ACOX2: variants seen among roughly 807,000 people sequenced by gnomAD.
ACOX2 encodes peroxisomal acyl-coenzyme A oxidase 2.
A neutral mutation model predicts 77.5 loss-of-function variants in ACOX2; 59 were observed. The ratio of observed to expected loss-of-function variants is 0.76; its 90% confidence interval spans 0.62 to 0.95. The LOEUF (loss-of-function observed/expected upper bound fraction) is 0.95, where lower values mean the gene tolerates loss of function less well. Ranked by LOEUF, ACOX2 falls within the 40% of genes least tolerant of loss-of-function variation. The pLI, the probability that ACOX2 is intolerant of heterozygous loss-of-function variation, is 0.00. For missense variants in ACOX2, 837 were observed against 880.4 expected, an observed-to-expected ratio of 0.95 and a Z score of 0.62; for synonymous variants, 317 against 340.1, an observed-to-expected ratio of 0.93 and a Z score of 0.75.
At position 58,522,612 on chromosome 3, in the gene ACOX2, A is replaced by G; in HGVS notation, c.1527-11T>C. The G allele has an allele frequency of 1.2e-6, 2 of 1,613,678 alleles. No homozygotes were observed. Among genetic ancestry groups the G allele is most frequent in the Non-Finnish European group, 8.5e-7 (1 of 1,179,580 alleles). On this transcript the variant is annotated splice_polypyrimidine_tract_variant and intron_variant, in intron 11 of 14. Coordinates refer to ENST00000302819, the MANE Select transcript of ACOX2 (RefSeq NM_003500.4). This position sits in a 1 kb window ranked among gnomAD's most constrained non-coding sequence, Gnocchi z 4.3. ...GAGTCCTTTATGAGCCTGAAAGCCA[A>G]AGCAAAAAAGGTTCAGCTTCCTGAC...
rs770975088 is a variant in ACOX2, at chr3:58,531,369, T to G, written c.704-3A>C. On this transcript the variant is annotated splice_region_variant and splice_polypyrimidine_tract_variant and intron_variant, in intron 6 of 14. Transcript: ENST00000302819. The surrounding 1 kb of genome is among the most constrained non-coding windows in gnomAD (Gnocchi z 5.8). ...TCCGATGTCCCCAATGATGATTCCT[T>G]GAAGGAGATGGAGATGAGGACACCT... 10 of 1,612,086 alleles carry G rather than the reference T, an allele frequency of 6.2e-6. No individual in the cohort carries two copies. The African/African-American group carries it at 1.2e-4, about 19-fold the overall frequency.
rs906387306 is a variant in ACOX2 at position 58,526,207 on chromosome 3, G to C, written c.1346+259C>G. ...TGTGATCCTCCCTAGGCTCTGAACAGATCCCTCCGGCTGCCTGTGGAGAAG... is the reference window on the plus strand; with the variant it reads ...TGTGATCCTCCCTAGGCTCTGAACACATCCCTCCGGCTGCCTGTGGAGAAG... On this transcript the variant is annotated intron_variant, in intron 10 of 14. Coordinates refer to ENST00000302819, the MANE Select transcript of ACOX2 (RefSeq NM_003500.4). The surrounding 1 kb of genome is among the most constrained non-coding windows in gnomAD (Gnocchi z 4.3). Among the ~76,000 whole-genome samples the C allele has an allele frequency of 2.0e-5, 3 of 152,196 alleles. No homozygotes were observed. The highest frequency in any genetic ancestry group is 7.2e-5 in the African/African-American group (3 of 41,450).
Position 58,522,673 on chromosome 3 carries a change from C to A in ACOX2, c.1527-72G>T. On this transcript the variant is annotated intron_variant, in intron 11 of 14. Transcript: ENST00000302819. This position sits in a 1 kb window ranked among gnomAD's most constrained non-coding sequence, Gnocchi z 4.3. ...AGACAACTGATGGGCTTCCTGTGGT[C>A]CCTCAGAAGTAGAAATAATGCCTGT... 4 of 1,338,364 alleles carry A rather than the reference C, an allele frequency of 3.0e-6. No homozygotes were observed. In the South Asian group the frequency reaches 4.7e-5, roughly 16 times the overall value. 82.9% of individuals were successfully genotyped at this position (1,338,364 alleles called of 1,614,324 possible).
chr3:58,517,800 C>G (rs963255468), intron 12 of ACOX2, among the ~76,000 whole-genome samples: 1 of 151,950 alleles, frequency 6.6e-6, no homozygotes, highest in Non-Finnish European at 1.5e-5. Context: ...TAAGGCTGGG[C>G]GCGGTGGCTC....
chr3:58,522,571 C>A lies in ACOX2; in HGVS notation c.1557G>T (p.Gln519His). 1 of 1,614,158 alleles carries A rather than the reference C, an allele frequency of 6.2e-7. No individual in the cohort carries two copies. The highest frequency in any genetic ancestry group is 8.5e-7 in the Non-Finnish European group (1 of 1,180,022). The change falls in exon 12 of 15, where the codon CAG (glutamine) becomes CAT (histidine). Residue 519 changes from glutamine to histidine, a missense_variant. Physicochemically the swap from Gln to His is conservative, Grantham distance 24. Transcript: ENST00000302819. This position sits in a 1 kb window ranked among gnomAD's most constrained non-coding sequence, Gnocchi z 4.3. ...GGTCAGCTCCGGATTGCGTCAGGGT[C>A]TGTAAATGCTGCACTGAGTCCTTTA... The part of the protein sequence containing the change: ...RLIKDSVQHL[Q>H]TLTQSGADQH...
rs991262259 is a variant in ACOX2 at position 58,522,115 on chromosome 3, G to A, written c.1632+381C>T. 2.6e-5 allele frequency among the ~76,000 whole-genome samples: 4 copies of A among 152,186 alleles called. No homozygotes were observed. Among genetic ancestry groups the A allele is most frequent in the Admixed American group, 1.3e-4 (2 of 15,280 alleles). ...CAGGTCAGTGCCCAGGGCAGAGTGG[G>A]TGCTCAAATATTTGCCGACCGACTG... On this transcript the variant is annotated intron_variant, in intron 12 of 14. Coordinates refer to ENST00000302819, the MANE Select transcript of ACOX2 (RefSeq NM_003500.4). This position sits in a 1 kb window ranked among gnomAD's most constrained non-coding sequence, Gnocchi z 4.3.
rs1169250048 is a variant in ACOX2 at position 58,525,203 on chromosome 3, A to C, written c.1347-598T>G. Among the ~76,000 whole-genome samples, 1 of 152,152 alleles carries C rather than the reference A, an allele frequency of 6.6e-6. No homozygotes were observed. Among genetic ancestry groups the C allele is most frequent in the Non-Finnish European group, 1.5e-5 (1 of 68,026 alleles). On this transcript the variant is annotated intron_variant, in intron 10 of 14. Transcript: ENST00000302819. This position sits in a 1 kb window ranked among gnomAD's most constrained non-coding sequence, Gnocchi z 5.0. Reference sequence around the variant, plus strand: ...AGGGTTTGTGAAATGGAATGAGATGATATTTGTAGAGTGCTTGGCACAGTG... The same window carrying C: ...AGGGTTTGTGAAATGGAATGAGATGCTATTTGTAGAGTGCTTGGCACAGTG...
intron 12 of ACOX2, among the ~76,000 whole-genome samples, chr3:58,518,068 T>A (rs1576991561): frequency 2.0e-5 from 1 of 49,182 alleles, no homozygotes. Flanking sequence ...AGAGCAAAAC[T>A]CCATCTCAAA....
chr3:58,533,851 C>G lies in ACOX2; in HGVS notation c.475+143G>C. On this transcript the variant is annotated intron_variant, in intron 4 of 14. Coordinates refer to ENST00000302819, the MANE Select transcript of ACOX2 (RefSeq NM_003500.4). This position sits in a 1 kb window ranked among gnomAD's most constrained non-coding sequence, Gnocchi z 5.6. ...AAGGTGGCACCCCTTCCTCAGGACC[C>G]TTGACTGCCAGCTGCTGGAATGTTT... 2 of 1,154,920 alleles carry G rather than the reference C, an allele frequency of 1.7e-6. No homozygotes were observed. Among genetic ancestry groups the G allele is most frequent in the Non-Finnish European group, 2.4e-6 (2 of 829,586 alleles). The allele number at this position is 1,154,920 out of a possible 1,614,324, so 71.5% of individuals were successfully genotyped here. A position where few individuals can be genotyped will look rare whatever the true frequency, so the allele number is the denominator to read the frequency against.
chr3:58,510,697 TATATATATATATACAC>T (rs1183803663), intron 13 of ACOX2, among the ~76,000 whole-genome samples: 7 of 6,902 alleles, frequency 1.0e-3, no homozygotes, highest in African/African-American at 1.7e-3. Flanking sequence ...TATATATATA[TATATATATATATACAC>T]ACACACACAC....
rs2063309765 is a variant in ACOX2, at chr3:58,514,685, A to C, written c.1850+2521T>G. Among the ~76,000 whole-genome samples, 1 of 152,242 alleles carries C rather than the reference A, an allele frequency of 6.6e-6. No individual in the cohort carries two copies. The highest frequency in any genetic ancestry group is 2.1e-4 in the South Asian group (1 of 4,834). On this transcript the variant is annotated intron_variant, in intron 13 of 14. Coordinates refer to ENST00000302819, the MANE Select transcript of ACOX2 (RefSeq NM_003500.4). The surrounding 1 kb of genome is among the most constrained non-coding windows in gnomAD (Gnocchi z 4.3). ...ACGCATGAGTAAGTTGGCAGATTGC[A>C]TCTGGGCTGTCTGTCTTGTCTTGAA...
intron 8 of ACOX2, among the ~76,000 whole-genome samples, chr3:58,529,832 G>A (rs1483976461): frequency 6.6e-6 from 1 of 152,262 alleles, no homozygotes; most frequent in Admixed American, 6.5e-5. Flanking sequence ...AGCTGAGGAA[G>A]CTGAGGGATG....
At position 58,526,216 on chromosome 3, in the gene ACOX2, G is replaced by A. The variant is rs1052647689; in HGVS notation, c.1346+250C>T. Reference sequence around the variant, plus strand: ...CCCTAGGCTCTGAACAGATCCCTCCGGCTGCCTGTGGAGAAGCAGGACAGG... The same window carrying A: ...CCCTAGGCTCTGAACAGATCCCTCCAGCTGCCTGTGGAGAAGCAGGACAGG... On this transcript the variant is annotated intron_variant, in intron 10 of 14. Transcript: ENST00000302819. The surrounding 1 kb of genome is among the most constrained non-coding windows in gnomAD (Gnocchi z 4.3). 2.0e-5 allele frequency among the ~76,000 whole-genome samples: 3 copies of A among 152,292 alleles called. No homozygotes were observed. Among genetic ancestry groups the A allele is most frequent in the African/African-American group, 2.4e-5 (1 of 41,572 alleles).
chr3:58,518,167 C>A (rs897782293), intron 12 of ACOX2, among the ~76,000 whole-genome samples: 1 of 151,058 alleles, frequency 6.6e-6, no homozygotes, highest in African/African-American at 2.4e-5. Flanking sequence ...TGTGTGCGTG[C>A]ACATGTGTGC....
At position 58,533,720 on chromosome 3, in the gene ACOX2, G is replaced by A. The variant is rs1274166867; in HGVS notation, c.476-168C>T. The A allele has an allele frequency of 2.9e-6, 2 of 685,042 alleles. No homozygotes were observed. Among genetic ancestry groups the A allele is most frequent in the African/African-American group, 1.8e-5 (1 of 55,218 alleles). 42.4% of individuals were successfully genotyped at this position (685,042 alleles called of 1,614,324 possible). A position where few individuals can be genotyped will look rare whatever the true frequency, so the allele number is the denominator to read the frequency against. ...CCCCTTTCATCTGTGGGCTGTGTGT[G>A]GGACACACAGTCCCCTATAGCCAGT... On this transcript the variant is annotated intron_variant, in intron 4 of 14. Coordinates refer to ENST00000302819, the MANE Select transcript of ACOX2 (RefSeq NM_003500.4). The surrounding 1 kb of genome is among the most constrained non-coding windows in gnomAD (Gnocchi z 5.6).
At chr3:58,518,499 C>T (rs1304652520) in intron 12 of ACOX2, among the ~76,000 whole-genome samples, 1 of 152,184 alleles carries the variant, frequency 6.6e-6, no homozygotes, top group African/African-American at 2.4e-5. Context: ...TGGTTGGTGC[C>T]TTGTCCTACT....
intron 8 of ACOX2, 53 bp downstream of exon 8, chr3:58,530,413 G>A: frequency 1.3e-6 from 2 of 1,584,986 alleles, no homozygotes; most frequent in Non-Finnish European, 1.7e-6. Context: ...GGGAGGCACT[G>A]TGGGACCAAG....
At chr3:58,529,226 C>CCTG in intron 8 of ACOX2, 1 of 266,576 alleles carries the variant, frequency 3.8e-6, no homozygotes, top group Non-Finnish European at 7.0e-6. Context: ...CAGTATTATC[C>CCTG]TAAAACCTGA....
chr3:58,532,960 T>C (rs538966921), intron 5 of ACOX2, among the ~76,000 whole-genome samples: 1 of 152,074 alleles, frequency 6.6e-6, no homozygotes, highest in South Asian at 2.1e-4. Context: ...AGGTACGGCG[T>C]TGGTGGCCTG....
Sources: allele counts gnomAD v4.1 joint callset (sites outside exome capture counted in the v4.1 genomes callset), GRCh38; gene constraint gnomAD v4.1.1; non-coding constraint Gnocchi (gnomAD v3.1); transcripts MANE v1.5; gene names NCBI Gene and HGNC (gene_info 2026-07-23, HGNC 2026-07-21).